The following PRKCA variants were observed in gnomAD, a reference collection of about 807,000 sequenced individuals.
The protein encoded by PRKCA is protein kinase C alpha.
PRKCA carries 27 observed loss-of-function variants against 87.0 expected under a neutral mutation model. The observed-to-expected ratio is 0.31, with a 90% CI of 0.23 to 0.43. The LOEUF is 0.43. PRKCA is among the 20% of genes least tolerant of loss of function. The probability of loss-of-function intolerance (pLI) is 1.00; values close to 1 mark genes in which losing one functional copy is unlikely to be tolerated. For synonymous variants in PRKCA, 329 were observed against 311.1 expected, an observed-to-expected ratio of 1.06 and a Z score of -0.61; for missense variants, 518 against 852.3, an observed-to-expected ratio of 0.61 and a Z score of 4.88.
intron 2 of PRKCA, among the ~76,000 whole-genome samples, chr17:66,379,868 T>A (rs185040847): frequency 6.6e-6 from 1 of 152,300 alleles, no homozygotes; most frequent in African/African-American, 2.4e-5. Context: ...GTCTGTGATC[T>A]TTTCGAGTTA....
chr17:66,717,169 C>T (rs1055891403), intron 8 of PRKCA, among the ~76,000 whole-genome samples: 6 of 152,288 alleles, frequency 3.9e-5, no homozygotes, highest in Admixed American at 6.5e-5. Flanking sequence ...TGAGAACCTG[C>T]GTGATACAGG....
At chr17:66,587,001 A>G (rs1400863610) in intron 3 of PRKCA, among the ~76,000 whole-genome samples, 2 of 152,250 alleles carry the variant, frequency 1.3e-5, no homozygotes, top group South Asian at 2.1e-4. Flanking sequence ...CTACGATGCC[A>G]TTATGAATGG....
At chr17:66,348,273 A>G (rs1424614586) in intron 2 of PRKCA, among the ~76,000 whole-genome samples, 1 of 151,926 alleles carries the variant, frequency 6.6e-6, no homozygotes, top group Non-Finnish European at 1.5e-5. Flanking sequence ...CTTCATCGAG[A>G]CTTTCTTAAA....
At chr17:66,365,423 T>A (rs566561925) in intron 2 of PRKCA, among the ~76,000 whole-genome samples, 1 of 152,272 alleles carries the variant, frequency 6.6e-6, no homozygotes, top group South Asian at 2.1e-4. Context: ...ACTAAGCCCT[T>A]TAGGTACATG....
At chr17:66,637,788 C>CA (rs1476751486) in intron 3 of PRKCA, among the ~76,000 whole-genome samples, 4 of 152,268 alleles carry the variant, frequency 2.6e-5, no homozygotes, top group African/African-American at 9.6e-5. Context: ...TGCTCAAACA[C>CA]AGACTGTGAG....
At chr17:66,764,911 A>G (rs953416916) in intron 13 of PRKCA, among the ~76,000 whole-genome samples, 8 of 152,094 alleles carry the variant, frequency 5.3e-5, no homozygotes, top group African/African-American at 1.9e-4. Flanking sequence ...CATCCATTCC[A>G]TGGTCTCTGA....
chr17:66,703,028 G>A (rs749722659), intron 8 of PRKCA, among the ~76,000 whole-genome samples: 8 of 152,282 alleles, frequency 5.3e-5, no homozygotes, highest in South Asian at 2.1e-4. Context: ...GTTACTCTGG[G>A]TAAGTGAGTG....
At chr17:66,493,407 G>T (rs1206647715) in intron 2 of PRKCA, among the ~76,000 whole-genome samples, 1 of 151,518 alleles carries the variant, frequency 6.6e-6, no homozygotes, top group Non-Finnish European at 1.5e-5. Context: ...TTCTGCTCTG[G>T]AAATCCTGCC....
At chr17:66,518,945 T>C (rs1387449100) in intron 3 of PRKCA, among the ~76,000 whole-genome samples, 1 of 152,196 alleles carries the variant, frequency 6.6e-6, no homozygotes. Context: ...AGCTTTAATA[T>C]CAAGTGTTGT....
intron 2 of PRKCA, among the ~76,000 whole-genome samples, chr17:66,429,688 C>G (rs1913002043): frequency 6.6e-6 from 1 of 152,170 alleles, no homozygotes; most frequent in South Asian, 2.1e-4. Context: ...CTGGTTCCTT[C>G]TCTCCTCACT....
At chr17:66,713,849 G>A (rs932206418) in intron 8 of PRKCA, among the ~76,000 whole-genome samples, 4 of 152,176 alleles carry the variant, frequency 2.6e-5, no homozygotes, top group African/African-American at 9.7e-5. Context: ...CATGCAGGAA[G>A]GGCTCTGTCC....
chr17:66,348,029 C>T (rs1345947997), intron 2 of PRKCA, among the ~76,000 whole-genome samples: 3 of 140,058 alleles, frequency 2.1e-5, no homozygotes, highest in East Asian at 2.3e-4. Flanking sequence ...GCAACCTCCA[C>T]CTCCTGGGTT....
chr17:66,757,517 CG>C lies in PRKCA; in HGVS notation c.1524+14758del, dbSNP rs1414030916. 1.7e-4 allele frequency among the ~76,000 whole-genome samples: 24 copies of C among 143,214 alleles called. No homozygotes were observed. The East Asian group carries it at 5.0e-3, about 30-fold the overall frequency. 94.0% of individuals were successfully genotyped at this position (143,214 alleles called of 152,430 possible). On this transcript the variant is annotated intron_variant, in intron 13 of 16. Coordinates refer to ENST00000413366, the MANE Select transcript of PRKCA (RefSeq NM_002737.3). ...GAAGCCCAGAGCGGGGAAAGCAACA[CG>C]TTACCTAAAGAAGGGCAAAGACAGT...
intron 5 of PRKCA, among the ~76,000 whole-genome samples, chr17:66,668,136 T>C (rs1972087900): frequency 6.6e-6 from 1 of 152,222 alleles, no homozygotes; most frequent in Non-Finnish European, 1.5e-5. Context: ...TTTGCTCAGA[T>C]AAACAGGGTC....
At chr17:66,325,968 C>G (rs1023190798) in intron 2 of PRKCA, among the ~76,000 whole-genome samples, 11 of 152,124 alleles carry the variant, frequency 7.2e-5, no homozygotes, top group African/African-American at 2.7e-4. Context: ...TGAGTGGCTA[C>G]CATCCATTCA....
chr17:66,432,419 A>G (rs1055729097), intron 2 of PRKCA, among the ~76,000 whole-genome samples: 16 of 152,138 alleles, frequency 1.1e-4, no homozygotes, highest in Admixed American at 6.5e-5. Flanking sequence ...CTTCCTCCAC[A>G]TACGCTTTTT....
rs182530711 is a variant in PRKCA, at chr17:66,522,554, C to T, written c.288+26271C>T. ...AGAGGCTCAGTCCAGCGCCAGGTGC[C>T]GTGTGCTTGTGGAATAAAGAGACCG... is the stretch of plus-strand genomic sequence containing the variant. On this transcript the variant is annotated intron_variant, in intron 3 of 16. Coordinates refer to ENST00000413366, the MANE Select transcript of PRKCA (RefSeq NM_002737.3). Among the ~76,000 whole-genome samples, 966 of 152,136 alleles carry T rather than the reference C, an allele frequency of 6.3e-3. 30 individuals are homozygous for T. Among genetic ancestry groups the T allele is most frequent in the Admixed American group, 0.055 (839 of 15,280 alleles).
At chr17:66,320,660 A>G (rs1241983882) in intron 2 of PRKCA, among the ~76,000 whole-genome samples, 1 of 152,222 alleles carries the variant, frequency 6.6e-6, no homozygotes, top group African/African-American at 2.4e-5. Context: ...ATGACCGTTC[A>G]CGAAATTGTA....
intron 3 of PRKCA, among the ~76,000 whole-genome samples, chr17:66,594,301 A>G (rs914216432): frequency 5.3e-5 from 8 of 152,190 alleles, no homozygotes; most frequent in Admixed American, 1.3e-4. Context: ...TTCCTGGCAT[A>G]TGTTGGTTGG....
Sources: gnomAD v4.1 joint callset for allele counts (sites outside exome capture counted in the v4.1 genomes callset) on GRCh38, gnomAD v4.1.1 for gene constraint, MANE v1.5 for transcripts, NCBI Gene and HGNC (gene_info 2026-07-23, HGNC 2026-07-21) for gene names.